Variants in MARK3 observed in about 807,000 individuals in gnomAD.
MARK3 encodes the protein MAP/microtubule affinity-regulating kinase 3.
A neutral mutation model predicts 90.1 loss-of-function variants in MARK3; 46 were observed. The ratio of observed to expected loss-of-function variants is 0.51; its 90% CI spans 0.40 to 0.65. MARK3 has a LOEUF of 0.65. Among genes scored for constraint, MARK3 ranks in the 30% least tolerant of loss-of-function variants. The pLI is 0.00. For missense variants in MARK3, 818 were observed against 947.2 expected, an observed-to-expected ratio of 0.86 and a Z score of 1.79; for synonymous variants, 321 against 332.6, an observed-to-expected ratio of 0.97 and a Z score of 0.38.
At chr14:103,498,378 A>G (rs1418538707) in intron 15 of MARK3, 124 bp from the exon 16 acceptor site, 9 of 601,832 alleles carry the variant, frequency 1.5e-5, no homozygotes, top group Non-Finnish European at 2.3e-5. Flanking sequence ...TTCTTTGTTC[A>G]TTGGCCAGAG....
chr14:103,405,460 C>T (rs544194030), intron 2 of MARK3, among the ~76,000 whole-genome samples, 193 bp downstream of exon 2: 2 of 152,246 alleles, frequency 1.3e-5, no homozygotes, highest in Non-Finnish European at 2.9e-5. Flanking sequence ...ACACCATTCT[C>T]CTGCCTCAGC....
chr14:103,465,111 G>T (rs1205802618), intron 7 of MARK3, among the ~76,000 whole-genome samples: 1 of 152,098 alleles, frequency 6.6e-6, no homozygotes, highest in Non-Finnish European at 1.5e-5. Context: ...GGGATTACAG[G>T]TGTGTACCAC....
Position 103,477,999 on chromosome 14 carries a change from T to TA in MARK3, c.1483-2375dup, listed in dbSNP as rs57130429. Among the ~76,000 whole-genome samples, 25 of 141,436 alleles carry TA rather than the reference T, an allele frequency of 1.8e-4. 1 individual carries two copies. Among genetic ancestry groups the TA allele is most frequent in the Admixed American group, 2.9e-4 (4 of 14,008 alleles). 92.8% of individuals were successfully genotyped at this position (141,436 alleles called of 152,430 possible). A position where few individuals can be genotyped will look rare whatever the true frequency, so the allele number is the denominator to read the frequency against. ...GGGCAACAGAGCAAGACCCTGTCCT[T>TA]AAAAAAAAAAAAAGTGGCCGGGCGC... On this transcript the variant is annotated intron_variant, in intron 13 of 17. Transcript: ENST00000429436.
chr14:103,389,802 GGT>G (rs1229466246), intron 1 of MARK3, among the ~76,000 whole-genome samples: 1 of 151,542 alleles, frequency 6.6e-6, no homozygotes, highest in East Asian at 1.9e-4. Flanking sequence ...AAATTAGCCG[GGT>G]GCGGTGGCGG....
intron 2 of MARK3, among the ~76,000 whole-genome samples, chr14:103,415,868 A>G (rs1004360328): frequency 6.6e-6 from 1 of 152,160 alleles, no homozygotes; most frequent in Non-Finnish European, 1.5e-5. Context: ...AAAGGCCCCA[A>G]CTTTTTTAAG....
At chr14:103,431,483 T>C (rs2092580589) in intron 3 of MARK3, among the ~76,000 whole-genome samples, 1 of 152,082 alleles carries the variant, frequency 6.6e-6, no homozygotes, top group Non-Finnish European at 1.5e-5. Flanking sequence ...ATACAAAAAT[T>C]AGCTGGGCGT....
chr14:103,428,571 G>T, intron 3 of MARK3, 131 bp downstream of exon 3: 1 of 614,392 alleles, frequency 1.6e-6, no homozygotes, highest in Non-Finnish European at 2.9e-6. Context: ...TCAAATGAAT[G>T]CAACTTAATG....
chr14:103,386,713 G>A (rs1179988687), intron 1 of MARK3, among the ~76,000 whole-genome samples: 1 of 152,200 alleles, frequency 6.6e-6, no homozygotes, highest in East Asian at 1.9e-4. Flanking sequence ...AAAAGCAGAT[G>A]TATAGTGAAG....
At chr14:103,497,070 A>G (rs193094567) in intron 15 of MARK3, among the ~76,000 whole-genome samples, 2 of 152,316 alleles carry the variant, frequency 1.3e-5, no homozygotes, top group East Asian at 3.9e-4. Context: ...AAAGTAAAAG[A>G]AAATTAGGAA....
chr14:103,404,736 T>G (rs907555040), intron 1 of MARK3, among the ~76,000 whole-genome samples: 2 of 152,172 alleles, frequency 1.3e-5, no homozygotes, highest in African/African-American at 4.8e-5. Context: ...CGGGCTGTAG[T>G]GAGGCTCAGG....
intron 1 of MARK3, among the ~76,000 whole-genome samples, chr14:103,395,873 A>C (rs924249100): frequency 6.6e-6 from 1 of 152,132 alleles, no homozygotes; most frequent in Non-Finnish European, 1.5e-5. Context: ...GCTGATTGGA[A>C]GTTTTGTGCA....
Position 103,467,064 on chromosome 14 carries a change from A to T in MARK3, c.998-15A>T. 1.7e-6 allele frequency: 2 copies of T among 1,175,742 alleles called. No individual in the cohort carries two copies. Among genetic ancestry groups the T allele is most frequent in the Non-Finnish European group, 2.5e-6 (2 of 796,632 alleles). The allele number at this position is 1,175,742 out of a possible 1,614,324, so 72.8% of individuals were successfully genotyped here. On this transcript the variant is annotated splice_polypyrimidine_tract_variant and intron_variant, in intron 10 of 17. Transcript: ENST00000429436. ...CCAAACAAAACACATAAACTGTATT[A>T]TGCCCTTCTTTTAGATATTATGGTG...
chr14:103,465,060 C>T (rs1320581358), intron 7 of MARK3, among the ~76,000 whole-genome samples: 2 of 152,124 alleles, frequency 1.3e-5, no homozygotes, highest in Non-Finnish European at 2.9e-5. Flanking sequence ...CTCTGCCTCC[C>T]GAGTTCAAGC....
At chr14:103,412,159 T>C (rs1390630812) in intron 2 of MARK3, 2 of 1,390,372 alleles carry the variant, frequency 1.4e-6, no homozygotes, top group Non-Finnish European at 1.9e-6. Context: ...GCTCTTGATA[T>C]ATAAGGCCCG....
At chr14:103,402,329 G>A (rs2091010732) in intron 1 of MARK3, among the ~76,000 whole-genome samples, 1 of 152,116 alleles carries the variant, frequency 6.6e-6, no homozygotes, top group Admixed American at 6.6e-5. Flanking sequence ...GAGGTGGGTA[G>A]ATCACTTAAG....
Position 103,502,967 on chromosome 14 carries a change from A to G in MARK3, c.2002A>G (p.Ser668Gly). 1 of 1,614,268 alleles carries G rather than the reference A, an allele frequency of 6.2e-7. No homozygotes were observed. The highest frequency in any genetic ancestry group is 8.5e-7 in the Non-Finnish European group (1 of 1,180,048). ...LRFTWSMKTT[S>G]SMDPGDMMRE... The stretch of plus-strand genomic sequence containing the variant: ...CTTCACCTGGAGCATGAAAACCACT[A>G]GTTCAATGGATCCCGGGGACATGAT... The change falls in exon 18 of 18, where the codon AGT becomes GGT. Residue 668 changes from serine (S) to glycine (G), a missense_variant. By Grantham distance (56) the Ser-to-Gly change is moderately conservative. Around this residue, in one of 3 missense-constraint regions of MARK3, gnomAD observed 560 missense variants for 613.5 expected, o/e 0.91. Transcript: ENST00000429436.
intron 2 of MARK3, among the ~76,000 whole-genome samples, chr14:103,406,855 G>T (rs2091329670): frequency 6.6e-6 from 1 of 150,806 alleles, no homozygotes; most frequent in Non-Finnish European, 1.5e-5. Context: ...TTTTTATGAG[G>T]CAGAGTCTCA....
At chr14:103,471,415 CAT>C (rs1566905273) in intron 12 of MARK3, among the ~76,000 whole-genome samples, 1 of 152,194 alleles carries the variant, frequency 6.6e-6, no homozygotes, top group Non-Finnish European at 1.5e-5. Context: ...CCCAAGGTTA[CAT>C]AGTAAATGAG....
chr14:103,395,154 G>C (rs1278299927), intron 1 of MARK3, among the ~76,000 whole-genome samples: 2 of 152,146 alleles, frequency 1.3e-5, no homozygotes, highest in Non-Finnish European at 2.9e-5. Flanking sequence ...ACAAAAATGA[G>C]AGTCTAAGAC....
Sources: gnomAD v4.1 joint callset for allele counts (sites outside exome capture counted in the v4.1 genomes callset) on GRCh38, gnomAD v4.1.1 for gene constraint, gnomAD v4.1.1 regional missense constraint, MANE v1.5 for transcripts, NCBI Gene and HGNC (gene_info 2026-07-23, HGNC 2026-07-21) for gene names.